CDK6: variants seen among roughly 807,000 people sequenced by gnomAD.
CDK6 encodes the protein cyclin-dependent kinase 6.
In CDK6, 6 loss-of-function variants were observed where a neutral mutation model predicts 37.1. The observed-to-expected ratio is 0.16, with a 90% CI of 0.09 to 0.32. The LOEUF (loss-of-function observed/expected upper bound fraction) is 0.32, where lower values mean the gene tolerates loss of function less well. Among genes scored for constraint, CDK6 ranks in the 10% least tolerant of loss-of-function variants. The pLI, the probability that CDK6 is intolerant of heterozygous loss-of-function variation, is 1.00. For synonymous variants in CDK6, 160 were observed against 161.3 expected, an observed-to-expected ratio of 0.99 and a Z score of 0.06; for missense variants, 224 against 418.9, an observed-to-expected ratio of 0.53 and a Z score of 4.06.
chr7:92,658,570 A>ACTCT (rs928662500), intron 5 of CDK6, among the ~76,000 whole-genome samples: 2 of 145,610 alleles, frequency 1.4e-5, no homozygotes, highest in Admixed American at 1.4e-4. Context: ...GCATTTATAA[A>ACTCT]CTCTCTCTCT....
intron 3 of CDK6, among the ~76,000 whole-genome samples, chr7:92,741,938 G>A (rs929576180): frequency 6.6e-6 from 1 of 152,094 alleles, no homozygotes; most frequent in Non-Finnish European, 1.5e-5. Context: ...GCCACTTCCT[G>A]ACAGATTCTA....
chr7:92,703,251 A>G (rs922409394), intron 4 of CDK6, among the ~76,000 whole-genome samples: 4 of 152,090 alleles, frequency 2.6e-5, no homozygotes, highest in African/African-American at 9.7e-5. Flanking sequence ...AAAAAACACC[A>G]GATGACCATA....
chr7:92,743,864 G>A (rs751637297), intron 3 of CDK6, among the ~76,000 whole-genome samples: 1 of 152,214 alleles, frequency 6.6e-6, no homozygotes, highest in African/African-American at 2.4e-5. Flanking sequence ...ATAAGTCAGT[G>A]TAGTGATTAC....
chr7:92,633,009 T>C (rs1796089425), intron 5 of CDK6, among the ~76,000 whole-genome samples: 1 of 149,656 alleles, frequency 6.7e-6, no homozygotes, highest in Admixed American at 6.7e-5. Flanking sequence ...GTCTTGACTA[T>C]AGTCCTTAGT....
Position 92,628,060 on chromosome 7 carries a change from C to T in CDK6, c.648-4974G>A, listed in dbSNP as rs567901393. On this transcript the variant is annotated intron_variant, in intron 5 of 7. Transcript: ENST00000424848. ...AGTACTTGTCTGGAGACATGTGCTC[C>T]GCAAGTTTTGATAATCTATTGTTAT... is the stretch of plus-strand genomic sequence containing the variant. Among the ~76,000 whole-genome samples, 24 of 152,112 alleles carry T rather than the reference C, an allele frequency of 1.6e-4. No individual in the cohort carries two copies. In the South Asian group the frequency reaches 2.7e-3, roughly 17 times the overall value.
intron 4 of CDK6, among the ~76,000 whole-genome samples, chr7:92,712,967 G>T (rs1798135519): frequency 6.6e-6 from 1 of 151,990 alleles, no homozygotes; most frequent in Non-Finnish European, 1.5e-5. Context: ...GGGTTCAAGC[G>T]ATTCTCCTGC....
chr7:92,645,523 C>T (rs1796427550), intron 5 of CDK6, among the ~76,000 whole-genome samples: 1 of 152,216 alleles, frequency 6.6e-6, no homozygotes, highest in South Asian at 2.1e-4. Context: ...TGGTTCAATC[C>T]AGAAGTGTGC....
chr7:92,650,090 A>G (rs1479143949), intron 5 of CDK6, among the ~76,000 whole-genome samples: 1 of 152,210 alleles, frequency 6.6e-6, no homozygotes, highest in Non-Finnish European at 1.5e-5. Flanking sequence ...TACTGACTTT[A>G]AGTAAACAAA....
intron 4 of CDK6, among the ~76,000 whole-genome samples, chr7:92,677,481 T>G (rs1266556644): frequency 2.0e-5 from 3 of 151,984 alleles, no homozygotes; most frequent in African/African-American, 7.3e-5. Context: ...TAGCCAGGTG[T>G]GGTGGCACAC....
At chr7:92,623,148 T>G (rs1795842873) in intron 5 of CDK6, 62 bp from the exon 6 acceptor site, 1 of 1,138,510 alleles carries the variant, frequency 8.8e-7, no homozygotes, top group Non-Finnish European at 1.3e-6. Flanking sequence ...CAATCATATT[T>G]GCCATTATCA....
At chr7:92,791,281 G>C (rs1324639328) in intron 2 of CDK6, among the ~76,000 whole-genome samples, 1 of 152,032 alleles carries the variant, frequency 6.6e-6, no homozygotes, top group East Asian at 1.9e-4. Flanking sequence ...CCAGATCTTT[G>C]GTTTTCAGAG....
chr7:92,749,197 TAAA>T (rs75300713), intron 3 of CDK6, among the ~76,000 whole-genome samples: 5 of 82,696 alleles, frequency 6.0e-5, no homozygotes, highest in Admixed American at 1.4e-4. Flanking sequence ...AGACTCTGCC[TAAA>T]AAAAAAAAAA....
chr7:92,651,994 T>A (rs1796585295), intron 5 of CDK6, among the ~76,000 whole-genome samples: 1 of 152,322 alleles, frequency 6.6e-6, no homozygotes, highest in Admixed American at 6.5e-5. Context: ...ATAACATGAA[T>A]GAGAGTCAAC....
intron 5 of CDK6, among the ~76,000 whole-genome samples, chr7:92,657,774 C>T (rs1055252203): frequency 9.9e-5 from 15 of 152,170 alleles, no homozygotes; most frequent in African/African-American, 3.6e-4. Context: ...GGAATGCAGT[C>T]GTGTAATCAT....
At chr7:92,765,385 T>C (rs1326430902) in intron 3 of CDK6, among the ~76,000 whole-genome samples, 1 of 152,192 alleles carries the variant, frequency 6.6e-6, no homozygotes, top group Non-Finnish European at 1.5e-5. Context: ...GGATCAGTTA[T>C]TGGTTTTAGA....
chr7:92,726,261 T>G (rs79522072), intron 3 of CDK6, among the ~76,000 whole-genome samples: 1 of 152,322 alleles, frequency 6.6e-6, no homozygotes, highest in Non-Finnish European at 1.5e-5. Flanking sequence ...TCAAGCACTA[T>G]TCTAAGCATT....
At chr7:92,620,448 C>T (rs966246396) in intron 6 of CDK6, among the ~76,000 whole-genome samples, 1 of 152,110 alleles carries the variant, frequency 6.6e-6, no homozygotes, top group Non-Finnish European at 1.5e-5. Context: ...TCACAGAGTC[C>T]AGAGTGAGTT....
At chr7:92,772,397 A>G (rs1309923223) in intron 3 of CDK6, among the ~76,000 whole-genome samples, 1 of 151,852 alleles carries the variant, frequency 6.6e-6, no homozygotes, top group Non-Finnish European at 1.5e-5. Context: ...CTTGCCCCCA[A>G]CTCCACCTCG....
intron 3 of CDK6, among the ~76,000 whole-genome samples, chr7:92,732,825 G>A (rs142477047): frequency 3.9e-5 from 6 of 152,238 alleles, no homozygotes; most frequent in South Asian, 2.1e-4. Context: ...CCTCACCCAC[G>A]TCTTATACTG....
Sources: allele counts gnomAD v4.1 joint callset (sites outside exome capture counted in the v4.1 genomes callset), GRCh38; gene constraint gnomAD v4.1.1; transcripts MANE v1.5; gene names NCBI Gene and HGNC (gene_info 2026-07-23, HGNC 2026-07-21).